Variants in ABR observed in about 807,000 individuals in gnomAD.
ABR encodes the protein ABR activator of RhoGEF and GTPase, also known as active breakpoint cluster region-related protein.
ABR carries 35 observed loss-of-function variants against 107.2 expected under a neutral mutation model. That is an observed-to-expected ratio of 0.33 (90% confidence interval 0.25 to 0.43). The LOEUF (loss-of-function observed/expected upper bound fraction) is 0.43, where lower values mean the gene tolerates loss of function less well. Ranked by LOEUF, ABR falls within the 20% of genes least tolerant of loss-of-function variation. The pLI is 1.00. For synonymous variants in ABR, 498 were observed against 462.0 expected (o/e 1.08, Z -1.00); for missense variants, 815 against 1,115.2 (o/e 0.73, Z 3.83).
intron 1 of ABR, among the ~76,000 whole-genome samples, chr17:1,185,670 A>ATAAAATAAAATAAAAT (rs1567873692): frequency 3.7e-4 from 55 of 149,702 alleles, no homozygotes; most frequent in African/African-American, 1.3e-3. Flanking sequence ...AAAAAAAAAA[A>ATAAAATAAAATAAAAT]AAAAAAAAAA....
chr17:1,058,683 C>T (rs533319692), intron 11 of ABR, 62 bp downstream of exon 11: 5 of 1,583,748 alleles, frequency 3.2e-6, no homozygotes, highest in Non-Finnish European at 3.4e-6. Context: ...CCAGGAGCCA[C>T]AGAGTGGGCT....
intron 6 of ABR, among the ~76,000 whole-genome samples, chr17:1,077,486 G>A (rs780580297): frequency 1.7e-3 from 255 of 152,212 alleles, no homozygotes; most frequent in Non-Finnish European, 2.3e-3. Flanking sequence ...TCCTCTGATC[G>A]CTGACCAGGC....
chr17:1,014,273 C>T (rs1454525385), intron 16 of ABR, among the ~76,000 whole-genome samples: 1 of 149,698 alleles, frequency 6.7e-6, no homozygotes, highest in Non-Finnish European at 1.5e-5. Flanking sequence ...AACCCCGTCT[C>T]TACTAAAAAT....
intron 1 of ABR, among the ~76,000 whole-genome samples, chr17:1,164,353 G>C: frequency 1.4e-5 from 2 of 142,994 alleles, no homozygotes; most frequent in Non-Finnish European, 3.1e-5. Flanking sequence ...GGAGCATCTA[G>C]GTGGGACCCT....
intron 1 of ABR, among the ~76,000 whole-genome samples, chr17:1,169,121 G>A (rs1014650885): frequency 1.3e-5 from 2 of 152,206 alleles, no homozygotes; most frequent in Admixed American, 6.5e-5. Flanking sequence ...GAGGGAGGGA[G>A]GACGTGGGTT....
At chr17:1,136,749 C>T (rs920458282) in intron 1 of ABR, among the ~76,000 whole-genome samples, 1 of 152,164 alleles carries the variant, frequency 6.6e-6, no homozygotes, top group Non-Finnish European at 1.5e-5. Flanking sequence ...TTGCAGAGTG[C>T]GAGGGCCTTG....
intron 3 of ABR, among the ~76,000 whole-genome samples, chr17:1,093,825 TCA>T (rs1197420627): frequency 6.6e-6 from 1 of 152,162 alleles, no homozygotes; most frequent in African/African-American, 2.4e-5. Flanking sequence ...GAACCCATGT[TCA>T]CTGGAAGAAG....
chr17:1,215,937 G>A (rs1249815297), intron 1 of ABR, among the ~76,000 whole-genome samples: 27 of 140,476 alleles, frequency 1.9e-4, no homozygotes, highest in East Asian at 8.6e-4. Flanking sequence ...GATTAAGGGC[G>A]GTGCAAGATG....
chr17:1,129,082 C>T (rs887386794), intron 1 of ABR, among the ~76,000 whole-genome samples: 4 of 152,206 alleles, frequency 2.6e-5, no homozygotes, highest in Admixed American at 2.0e-4. Flanking sequence ...TGACTGTCAC[C>T]GTCCTTCTCA....
At chr17:1,058,109 T>C in intron 11 of ABR, 64 bp from the exon 12 acceptor site, 3 of 1,059,582 alleles carry the variant, frequency 2.8e-6, no homozygotes, top group South Asian at 2.6e-5. Flanking sequence ...TCCCAGATCC[T>C]GGGGACCCCA....
chr17:1,223,488 G>C (rs1055468916), intron 1 of ABR, among the ~76,000 whole-genome samples: 10 of 152,292 alleles, frequency 6.6e-5, no homozygotes, highest in African/African-American at 1.9e-4. Flanking sequence ...AAGCCAGACT[G>C]CCTGGCTTCA....
Position 1,005,066 on chromosome 17 carries a change from C to T in ABR, c.*1014G>A, listed in dbSNP as rs2069921873. The T allele has an allele frequency of 5.0e-6, 2 of 398,818 alleles. No individual in the cohort carries two copies. The highest frequency in any genetic ancestry group is 8.8e-6 in the Non-Finnish European group (2 of 226,214). The allele number at this position is 398,818 out of a possible 1,614,324, so 24.7% of individuals were successfully genotyped here. On this transcript the variant is annotated 3_prime_UTR_variant, in exon 23 of 23. Transcript: ENST00000302538. Reference sequence around the variant, plus strand: ...AACTTGCTCCTAAGAGCTGAGCTGCCTCCCCGCGACCCGGGACACCCAGCG... The same window carrying T: ...AACTTGCTCCTAAGAGCTGAGCTGCTTCCCCGCGACCCGGGACACCCAGCG...
intron 1 of ABR, among the ~76,000 whole-genome samples, chr17:1,151,708 T>C (rs1473516479): frequency 1.3e-5 from 2 of 152,220 alleles, no homozygotes; most frequent in African/African-American, 4.8e-5. Context: ...TGAACCCTTT[T>C]TGGGCAGGTC....
intron 2 of ABR, among the ~76,000 whole-genome samples, chr17:1,112,895 CGCCTGACCCAATCAGCAAGCATTTGTTAA>C (rs1567779257): frequency 3.3e-5 from 5 of 149,454 alleles, no homozygotes; most frequent in South Asian, 2.2e-4. Context: ...CATTTGTTAA[CGCCTGACCCAATCAGCAAGCATTTGTTAA>C]CGCCTGACCC....
chr17:1,170,807 T>C (rs1353120675), intron 1 of ABR, among the ~76,000 whole-genome samples: 1 of 152,112 alleles, frequency 6.6e-6, no homozygotes, highest in Non-Finnish European at 1.5e-5. Flanking sequence ...ATGGACTTTC[T>C]TTTCACGGGA....
intron 1 of ABR, among the ~76,000 whole-genome samples, chr17:1,198,098 T>C (rs972749727): frequency 1.3e-5 from 2 of 151,662 alleles, no homozygotes; most frequent in African/African-American, 4.9e-5. Flanking sequence ...AGACTGTATC[T>C]GCCCCCTGCC....
In ABR at chr17:1,078,897, C is replaced by A. The variant is rs985229405; in HGVS notation, c.700+433G>T. 6 of 1,534,834 alleles carry A rather than the reference C, an allele frequency of 3.9e-6. No individual in the cohort carries two copies. The highest frequency in any genetic ancestry group is 5.2e-6 in the Non-Finnish European group (6 of 1,146,442). ...CCCCGCGGCGGGAGCGTGCAGCCATCGCTCCAGGCTCCCCGGCGCCCACCA... is the reference window on the plus strand; with the variant it reads ...CCCCGCGGCGGGAGCGTGCAGCCATAGCTCCAGGCTCCCCGGCGCCCACCA... On this transcript the variant is annotated intron_variant, in intron 6 of 22. Transcript: ENST00000302538. The surrounding 1 kb of genome is among the most constrained non-coding windows in gnomAD (Gnocchi z 7.5).
In ABR at chr17:1,083,080, C is replaced by T. The variant is rs998874435; in HGVS notation, c.639+440G>A. ...TAGAGGTTGCAGTGAGCCGAGACCG[C>T]GCCACTGCACTCCAGCCTGGGCGAC... On this transcript the variant is annotated intron_variant, in intron 5 of 22. Transcript: ENST00000302538. Among the ~76,000 whole-genome samples the T allele has an allele frequency of 2.9e-4, 43 of 147,260 alleles. 1 individual carries two copies. The highest frequency in any genetic ancestry group is 1.1e-3 in the African/African-American group (42 of 39,834).
intron 1 of ABR, among the ~76,000 whole-genome samples, chr17:1,211,452 C>G (rs1282428614): frequency 1.3e-5 from 2 of 152,136 alleles, no homozygotes; most frequent in Non-Finnish European, 2.9e-5. Flanking sequence ...CAGTCCTTAT[C>G]TAAATTATTC....
Sources: allele counts gnomAD v4.1 joint callset (sites outside exome capture counted in the v4.1 genomes callset), GRCh38; gene constraint gnomAD v4.1.1; non-coding constraint Gnocchi (gnomAD v3.1); transcripts MANE v1.5; gene names NCBI Gene and HGNC (gene_info 2026-07-23, HGNC 2026-07-21).